ZRANB3: variants seen among roughly 807,000 people sequenced by gnomAD.
ZRANB3 encodes the protein DNA annealing helicase and endonuclease ZRANB3.
Under a neutral mutation model 133.8 loss-of-function variants are expected in ZRANB3, and 125 were observed. That is an observed-to-expected ratio of 0.93 (90% CI 0.81 to 1.08). The LOEUF (loss-of-function observed/expected upper bound fraction) is 1.08, where lower values mean the gene tolerates loss of function less well. Among genes scored for constraint, ZRANB3 ranks in the 50% least tolerant of loss-of-function variants. The probability of loss-of-function intolerance (pLI) is 0.00; values close to 1 mark genes in which losing one functional copy is unlikely to be tolerated. For synonymous variants in ZRANB3, 387 were observed against 432.7 expected (o/e 0.89, Z 1.31); for missense variants, 1,229 against 1,275.5 (o/e 0.96, Z 0.56).
At chr2:135,401,928 T>C (rs140799046) in intron 2 of ZRANB3, among the ~76,000 whole-genome samples, 20 of 152,346 alleles carry the variant, frequency 1.3e-4, no homozygotes, top group African/African-American at 4.8e-4. Flanking sequence ...AAAACCTCAA[T>C]AGCATCAATT....
intron 1 of ZRANB3, among the ~76,000 whole-genome samples, chr2:135,521,112 T>C (rs1428489752): frequency 1.3e-5 from 2 of 152,212 alleles, no homozygotes; most frequent in African/African-American, 2.4e-5. Flanking sequence ...AGTTCAGAAA[T>C]GTTATATAAC....
intron 2 of ZRANB3, among the ~76,000 whole-genome samples, chr2:135,393,196 T>A (rs1464776704): frequency 4.6e-5 from 7 of 152,118 alleles, no homozygotes; most frequent in African/African-American, 1.7e-4. Flanking sequence ...AAAAATAAAA[T>A]TCAAATACTT....
At chr2:135,510,688 T>C in intron 1 of ZRANB3, 1 of 793,814 alleles carries the variant, frequency 1.3e-6, no homozygotes. Flanking sequence ...TCAGTCCCCT[T>C]CCCTGGCAGC....
intron 6 of ZRANB3, among the ~76,000 whole-genome samples, chr2:135,332,971 C>T (rs1046456012): frequency 1.4e-4 from 21 of 152,180 alleles, no homozygotes; most frequent in African/African-American, 5.1e-4. Flanking sequence ...ATGGATCCAA[C>T]CTCAGGATCA....
chr2:135,204,175 A>G (rs1645384011), intron 19 of ZRANB3, among the ~76,000 whole-genome samples: 1 of 152,210 alleles, frequency 6.6e-6, no homozygotes, highest in South Asian at 2.1e-4. Flanking sequence ...AACTTTGTCC[A>G]GCTGACCTTT....
At chr2:135,249,066 T>C (rs1358602765) in intron 12 of ZRANB3, among the ~76,000 whole-genome samples, 24 of 152,060 alleles carry the variant, frequency 1.6e-4, no homozygotes, top group Admixed American at 1.6e-3. Flanking sequence ...CTCACACCAG[T>C]CAGAATGGCT....
At chr2:135,222,355 T>C (rs981801602) in intron 15 of ZRANB3, among the ~76,000 whole-genome samples, 2 of 148,826 alleles carry the variant, frequency 1.3e-5, no homozygotes, top group African/African-American at 5.0e-5. Flanking sequence ...TGAACCGAGA[T>C]CGCACCACTG....
intron 6 of ZRANB3, among the ~76,000 whole-genome samples, chr2:135,330,969 C>A (rs780243072): frequency 1.3e-5 from 2 of 152,042 alleles, no homozygotes; most frequent in Non-Finnish European, 2.9e-5. Flanking sequence ...AGTAGTCTAT[C>A]AATTTTGTTG....
At chr2:135,216,084 T>C (rs1694296624) in intron 17 of ZRANB3, among the ~76,000 whole-genome samples, 1 of 148,176 alleles carries the variant, frequency 6.7e-6, no homozygotes, top group East Asian at 2.0e-4. Flanking sequence ...TGTGTCTCCA[T>C]CCCTTTTTTT....
chr2:135,417,773 A>G (rs1025347466), intron 2 of ZRANB3, among the ~76,000 whole-genome samples: 76 of 152,224 alleles, frequency 5.0e-4, no homozygotes, highest in Non-Finnish European at 6.9e-4. Flanking sequence ...ATGGAATACT[A>G]TGCAGCCATA....
intron 1 of ZRANB3, among the ~76,000 whole-genome samples, chr2:135,513,737 C>T (rs1031792938): frequency 1.3e-5 from 2 of 152,128 alleles, no homozygotes; most frequent in African/African-American, 4.8e-5. Context: ...AGGTTTTCTT[C>T]TAAGGTTTTT....
intron 6 of ZRANB3, among the ~76,000 whole-genome samples, chr2:135,337,345 T>C (rs1684412904): frequency 6.6e-6 from 1 of 152,188 alleles, no homozygotes. Context: ...ATGTGTTAAC[T>C]GGCTTAGAAT....
chr2:135,437,770 T>G (rs553886231), intron 2 of ZRANB3, among the ~76,000 whole-genome samples: 1 of 152,162 alleles, frequency 6.6e-6, no homozygotes, highest in African/African-American at 2.4e-5. Flanking sequence ...GAATCTAATA[T>G]AGTTAATTTG....
At position 135,234,828 on chromosome 2, in the gene ZRANB3, A is replaced by G. The variant is rs935471597; in HGVS notation, c.1540-3901T>C. ...ATTTATACCACTAAATGCCCACAAG[A>G]GAAAGCAGGAAAGATCTAAAATTGA... On this transcript the variant is annotated intron_variant, in intron 12 of 20. Coordinates refer to ENST00000264159, the MANE Select transcript of ZRANB3 (RefSeq NM_032143.4). 5.9e-5 allele frequency among the ~76,000 whole-genome samples: 9 copies of G among 152,358 alleles called. No homozygotes were observed. The East Asian group carries it at 9.6e-4, about 16-fold the overall frequency.
intron 3 of ZRANB3, among the ~76,000 whole-genome samples, chr2:135,377,777 T>C (rs1295837843): frequency 6.6e-6 from 1 of 152,232 alleles, no homozygotes; most frequent in African/African-American, 2.4e-5. Flanking sequence ...GTCAACTTCA[T>C]TGGACTGAAG....
intron 2 of ZRANB3, among the ~76,000 whole-genome samples, chr2:135,417,414 C>T (rs1221480697): frequency 1.3e-5 from 2 of 151,846 alleles, no homozygotes; most frequent in African/African-American, 2.4e-5. Context: ...CAATGAGATA[C>T]CATCTCACAC....
intron 3 of ZRANB3, among the ~76,000 whole-genome samples, chr2:135,366,859 A>AT (rs1685961958): frequency 6.6e-6 from 1 of 151,958 alleles, no homozygotes; most frequent in Non-Finnish European, 1.5e-5. Context: ...TCTACTAAAA[A>AT]TAAAAAAAAA....
intron 6 of ZRANB3, among the ~76,000 whole-genome samples, chr2:135,340,935 T>C (rs989399162): frequency 2.7e-5 from 4 of 150,184 alleles, no homozygotes; most frequent in Non-Finnish European, 2.9e-5. Context: ...TTTTTATATG[T>C]CCTTTAGTAA....
At chr2:135,495,820 T>C (rs965308966) in intron 2 of ZRANB3, among the ~76,000 whole-genome samples, 1 of 152,170 alleles carries the variant, frequency 6.6e-6, no homozygotes, top group Non-Finnish European at 1.5e-5. Context: ...AACACAGGGG[T>C]ATTCAGTGTA....
Sources: allele counts gnomAD v4.1 joint callset (sites outside exome capture counted in the v4.1 genomes callset), GRCh38; gene constraint gnomAD v4.1.1; transcripts MANE v1.5; gene names NCBI Gene and HGNC (gene_info 2026-07-23, HGNC 2026-07-21).